The following LRP1B variants were observed in gnomAD, a reference collection of about 807,000 sequenced individuals.
LRP1B encodes LDL receptor related protein 1B, also known as low-density lipoprotein receptor-related protein 1B.
LRP1B carries 217 observed loss-of-function variants against 556.6 expected under a neutral mutation model. The ratio of observed to expected loss-of-function variants is 0.39; its 90% CI spans 0.35 to 0.44. The LOEUF (loss-of-function observed/expected upper bound fraction) is 0.44. Among genes scored for constraint, LRP1B ranks in the 20% least tolerant of loss-of-function variants. LRP1B has a pLI of 1.00. For missense variants in LRP1B, 5,053 were observed against 5,620.8 expected (o/e 0.90, Z 3.23); for synonymous variants, 2,047 against 1,865.8 (o/e 1.10, Z -2.50).
At chr2:141,275,339 G>A (rs751015895) in intron 3 of LRP1B, among the ~76,000 whole-genome samples, 5 of 152,188 alleles carry the variant, frequency 3.3e-5, no homozygotes, top group Non-Finnish European at 7.3e-5. Flanking sequence ...GAGTATGGGG[G>A]AGAATTCTAA....
chr2:141,260,111 ATTTG>A (rs2105349841), intron 3 of LRP1B, among the ~76,000 whole-genome samples: 1 of 152,048 alleles, frequency 6.6e-6, no homozygotes, highest in African/African-American at 2.4e-5. Context: ...GAAGTTTTTC[ATTTG>A]TTTGTTTGGT....
chr2:140,287,275 TA>T (rs752927961), intron 84 of LRP1B, among the ~76,000 whole-genome samples: 5 of 151,836 alleles, frequency 3.3e-5, no homozygotes, highest in Admixed American at 6.6e-5. Context: ...ATCAGAATCC[TA>T]CACTACTTTC....
Position 140,701,630 on chromosome 2 carries a change from T to C in LRP1B, c.6427+91A>G, listed in dbSNP as rs77788496. ...ATAATGTTTTGAGGTTTTAGACTTA[T>C]AGAAGAATTTCTAAGTTTGACAATG... On this transcript the variant is annotated intron_variant, in intron 40 of 90. Coordinates refer to ENST00000389484, the MANE Select transcript of LRP1B (RefSeq NM_018557.3). The C allele has an allele frequency of 1.2e-5, 16 of 1,281,206 alleles. No homozygotes were observed. The East Asian group carries it at 1.4e-4, about 11-fold the overall frequency. The allele number at this position is 1,281,206 out of a possible 1,614,324, so 79.4% of individuals were successfully genotyped here.
At chr2:141,780,997 G>A (rs961507937) in intron 2 of LRP1B, among the ~76,000 whole-genome samples, 5 of 152,116 alleles carry the variant, frequency 3.3e-5, no homozygotes, top group Admixed American at 6.6e-5. Context: ...ATGAGGAAAT[G>A]GGATGTAGGC....
chr2:141,471,269 T>TGTTTTTTTTTTTGTTTTTGTTTTTG (rs58189454), intron 3 of LRP1B, among the ~76,000 whole-genome samples: 1 of 119,374 alleles, frequency 8.4e-6, no homozygotes, highest in Non-Finnish European at 1.8e-5. Flanking sequence ...TACCCTGGTA[T>TGTTTTTTTTTTTGTTTTTGTTTTTG]TTTTTTTTTT....
intron 1 of LRP1B, among the ~76,000 whole-genome samples, chr2:142,080,028 T>C (rs1180477941): frequency 6.6e-6 from 1 of 152,056 alleles, no homozygotes; most frequent in Non-Finnish European, 1.5e-5. Context: ...TTACAAACAT[T>C]GAAAAGATTT....
At chr2:141,973,797 G>GATAA (rs56273374) in intron 1 of LRP1B, among the ~76,000 whole-genome samples, 150,914 of 151,904 alleles carry the variant, frequency 0.99, 74,969 homozygotes, top group Middle Eastern at 1. Flanking sequence ...CAAAATCATA[G>GATAA]ATAATGACTT....
At chr2:140,727,300 T>C (rs1188019818) in intron 35 of LRP1B, among the ~76,000 whole-genome samples, 1 of 152,148 alleles carries the variant, frequency 6.6e-6, no homozygotes, top group Non-Finnish European at 1.5e-5. Context: ...TAATTTCTTG[T>C]AGAAGGTTGC....
chr2:141,270,466 G>A (rs747121562), intron 3 of LRP1B, among the ~76,000 whole-genome samples: 3 of 151,998 alleles, frequency 2.0e-5, no homozygotes, highest in Non-Finnish European at 4.4e-5. Flanking sequence ...TGGTCTCAAA[G>A]AGATATTTGT....
At chr2:140,838,257 A>G (rs1691982060) in intron 31 of LRP1B, among the ~76,000 whole-genome samples, 1 of 152,216 alleles carries the variant, frequency 6.6e-6, no homozygotes, top group South Asian at 2.1e-4. Context: ...GAACAATTCC[A>G]GATAAGTACC....
At chr2:141,684,774 A>T (rs942931267) in intron 2 of LRP1B, among the ~76,000 whole-genome samples, 1 of 151,938 alleles carries the variant, frequency 6.6e-6, no homozygotes, top group Non-Finnish European at 1.5e-5. Context: ...TACATGGGAG[A>T]TCCAAGAGAT....
chr2:141,184,991 G>A (rs1681177616), intron 7 of LRP1B, among the ~76,000 whole-genome samples: 1 of 151,882 alleles, frequency 6.6e-6, no homozygotes, highest in Non-Finnish European at 1.5e-5. Flanking sequence ...AAAAGAAAAA[G>A]GTCATCTTTG....
chr2:140,536,311 T>TAA (rs70988404), intron 46 of LRP1B, among the ~76,000 whole-genome samples: 2,804 of 61,634 alleles, frequency 0.045, 158 homozygotes, highest in African/African-American at 0.058. Flanking sequence ...CCCGTCTCTT[T>TAA]AAAAAAAAAA....
chr2:140,547,322 A>G (rs761471060), intron 43 of LRP1B, among the ~76,000 whole-genome samples: 1 of 151,908 alleles, frequency 6.6e-6, no homozygotes. Flanking sequence ...TTACTTTTCC[A>G]TTTCAGAGCT....
intron 47 of LRP1B, among the ~76,000 whole-genome samples, chr2:140,531,019 C>T (rs1176503584): frequency 3.3e-5 from 5 of 152,046 alleles, no homozygotes; most frequent in Non-Finnish European, 1.5e-5. Context: ...CTTCAACCAG[C>T]CACATAAGAA....
chr2:141,345,967 T>C (rs959699987), intron 3 of LRP1B, among the ~76,000 whole-genome samples: 2 of 152,210 alleles, frequency 1.3e-5, no homozygotes, highest in South Asian at 2.1e-4. Context: ...AGTTTGAATA[T>C]TTTAGTTATA....
chr2:142,072,200 T>C (rs1420356811), intron 1 of LRP1B, among the ~76,000 whole-genome samples: 1 of 151,950 alleles, frequency 6.6e-6, no homozygotes, highest in Non-Finnish European at 1.5e-5. Context: ...TCATCCACTT[T>C]ATTCCCCTAC....
chr2:141,163,856 G>C (rs928234439), intron 7 of LRP1B, among the ~76,000 whole-genome samples: 2 of 151,808 alleles, frequency 1.3e-5, no homozygotes, highest in Non-Finnish European at 2.9e-5. Context: ...ACTAATACAG[G>C]TATCAATCCA....
intron 41 of LRP1B, among the ~76,000 whole-genome samples, chr2:140,654,294 G>C (rs951264874): frequency 1.3e-5 from 2 of 152,054 alleles, no homozygotes; most frequent in Admixed American, 1.3e-4. Context: ...AATCTGAGGA[G>C]ACAACAATTG....
Sources: allele counts gnomAD v4.1 joint callset (sites outside exome capture counted in the v4.1 genomes callset), GRCh38; gene constraint gnomAD v4.1.1; transcripts MANE v1.5; gene names NCBI Gene and HGNC (gene_info 2026-07-23, HGNC 2026-07-21).